Variants in PRRX2 observed in about 807,000 individuals in gnomAD.
PRRX2 encodes paired related homeobox 2, also known as paired mesoderm homeobox protein 2.
A neutral mutation model predicts 18.0 loss-of-function variants in PRRX2; 11 were observed. The observed-to-expected ratio is 0.61, with a 90% CI of 0.39 to 1.01. The LOEUF (loss-of-function observed/expected upper bound fraction) is 1.01. Ranked by LOEUF, PRRX2 falls within the 50% of genes least tolerant of loss-of-function variation. The probability of loss-of-function intolerance (pLI) is 0.01; values close to 1 mark genes in which losing one functional copy is unlikely to be tolerated. For synonymous variants in PRRX2, 177 were observed against 154.8 expected (o/e 1.14, Z -1.06); for missense variants, 387 against 351.0 (o/e 1.10, Z -0.82).
rs1832700238 is a variant in PRRX2, at chr9:129,715,840, G to A, written c.260-3391G>A. Among the ~76,000 whole-genome samples, 1 of 151,134 alleles carries A rather than the reference G, an allele frequency of 6.6e-6. No individual in the cohort carries two copies. The highest frequency in any genetic ancestry group is 1.5e-5 in the Non-Finnish European group (1 of 67,916). On this transcript the variant is annotated intron_variant, in intron 1 of 3. Coordinates refer to ENST00000372469, the MANE Select transcript of PRRX2 (RefSeq NM_016307.4). This position sits in a 1 kb window ranked among gnomAD's most constrained non-coding sequence, Gnocchi z 4.0. ...AATTTAACCTTACATCAAATCAGTT[G>A]GTTGCTCAAGAGTCAGTAAACCCTC... is the stretch of plus-strand genomic sequence containing the variant.
chr9:129,721,890 A>G (rs1233619298), intron 3 of PRRX2, among the ~76,000 whole-genome samples: 1 of 152,164 alleles, frequency 6.6e-6, no homozygotes, highest in East Asian at 1.9e-4. Flanking sequence ...CCCAAGGGGC[A>G]TCCTTAAATC....
intron 1 of PRRX2, among the ~76,000 whole-genome samples, chr9:129,673,411 T>G (rs1832123986): frequency 6.6e-6 from 1 of 152,146 alleles, no homozygotes; most frequent in African/African-American, 2.4e-5. Context: ...GAGCTGTGAT[T>G]ACACCACTGC....
chr9:129,713,887 C>T (rs1832666265), intron 1 of PRRX2, among the ~76,000 whole-genome samples: 1 of 151,064 alleles, frequency 6.6e-6, no homozygotes, highest in Admixed American at 6.6e-5. Flanking sequence ...AGGTGTTCCG[C>T]CTGCCTCGAC....
At chr9:129,679,043 C>T (rs528959405) in intron 1 of PRRX2, among the ~76,000 whole-genome samples, 2 of 152,250 alleles carry the variant, frequency 1.3e-5, no homozygotes, top group East Asian at 1.9e-4. Flanking sequence ...GGCAGGTGGC[C>T]GTGCCCCACG....
chr9:129,705,911 C>T (rs747812712), intron 1 of PRRX2, among the ~76,000 whole-genome samples: 1 of 151,318 alleles, frequency 6.6e-6, no homozygotes, highest in African/African-American at 2.4e-5. Flanking sequence ...TGAGGGTTCC[C>T]CAAAGACCCT....
chr9:129,692,378 C>A (rs947530016), intron 1 of PRRX2, among the ~76,000 whole-genome samples: 6 of 139,030 alleles, frequency 4.3e-5, no homozygotes, highest in Non-Finnish European at 7.8e-5. Context: ...ACATTCGTTA[C>A]AGTCAGTGAG....
chr9:129,692,871 C>G (rs978882798), intron 1 of PRRX2, among the ~76,000 whole-genome samples: 1 of 152,140 alleles, frequency 6.6e-6, no homozygotes, highest in African/African-American at 2.4e-5. Context: ...CTGGGCAGGC[C>G]TTTTTGTGGA....
intron 1 of PRRX2, among the ~76,000 whole-genome samples, chr9:129,712,013 C>T (rs1228582357): frequency 6.6e-6 from 1 of 152,154 alleles, no homozygotes; most frequent in African/African-American, 2.4e-5. Context: ...CAGGGGGAAA[C>T]CGAAGCCTCC....
intron 1 of PRRX2, among the ~76,000 whole-genome samples, chr9:129,683,747 AAAAT>A (rs1412372736): frequency 6.6e-6 from 1 of 151,974 alleles, no homozygotes; most frequent in Non-Finnish European, 1.5e-5. Flanking sequence ...AAAAAAATAA[AAAAT>A]AAAAAAGACA....
intron 1 of PRRX2, among the ~76,000 whole-genome samples, chr9:129,699,437 A>ATGTGTGTG (rs1331347283): frequency 1.6e-4 from 22 of 140,454 alleles, no homozygotes; most frequent in African/African-American, 6.3e-4. Flanking sequence ...AAAAATATAT[A>ATGTGTGTG]TATGTGTGTG....
intron 1 of PRRX2, among the ~76,000 whole-genome samples, chr9:129,711,066 C>T (rs1206919193): frequency 6.6e-6 from 1 of 152,162 alleles, no homozygotes; most frequent in Non-Finnish European, 1.5e-5. Context: ...CTGTTGCCTT[C>T]AGCCTCCCTC....
At chr9:129,684,510 ACACACACACACACC>A (rs759244010) in intron 1 of PRRX2, among the ~76,000 whole-genome samples, 5,268 of 54,206 alleles carry the variant, frequency 0.097, 298 homozygotes, top group East Asian at 0.31. Context: ...ACACACACAC[ACACACACACACACC>A]CACACACACC....
At chr9:129,683,158 G>C (rs1309607554) in intron 1 of PRRX2, among the ~76,000 whole-genome samples, 1 of 151,870 alleles carries the variant, frequency 6.6e-6, no homozygotes, top group African/African-American at 2.4e-5. Flanking sequence ...CCACCATTAA[G>C]TCTTATTTGG....
chr9:129,715,212 C>T lies in PRRX2; in HGVS notation c.260-4019C>T, dbSNP rs1248049338. 6.6e-6 allele frequency among the ~76,000 whole-genome samples: 1 copy of T among 152,196 alleles called. No individual in the cohort carries two copies. Among genetic ancestry groups the T allele is most frequent in the African/African-American group, 2.4e-5 (1 of 41,458 alleles). On this transcript the variant is annotated intron_variant, in intron 1 of 3. Coordinates refer to ENST00000372469, the MANE Select transcript of PRRX2 (RefSeq NM_016307.4). The surrounding 1 kb of genome is among the most constrained non-coding windows in gnomAD (Gnocchi z 4.0). ...CTTCTGAACATAACCTCCTAGTCAT[C>T]CCTCTAAACCAGGGTTTCTCAACCT...
Position 129,720,731 on chromosome 9 carries a change from C to G in PRRX2, c.583C>G (p.Leu195Val), listed in dbSNP as rs143393943. The change falls in exon 3 of 4, where the codon CTG becomes GTG. Residue 195 changes from leucine to valine, a missense_variant. By Grantham distance (32) the Leu-to-Val change is conservative. Coordinates refer to ENST00000372469, the MANE Select transcript of PRRX2 (RefSeq NM_016307.4). ...GCCCGTGGCTCCCCGGCCCACCGCCCTGAGTCCAGATTATCTCTCCTGGAC... is the reference window on the plus strand; with the variant it reads ...GCCCGTGGCTCCCCGGCCCACCGCCGTGAGTCCAGATTATCTCTCCTGGAC... The part of the protein sequence containing the change: ...EQPVAPRPTA[L>V]SPDYLSWTAS... The G allele has an allele frequency of 2.5e-6, 4 of 1,611,742 alleles. No homozygotes were observed. In the African/African-American group the frequency reaches 4.0e-5, roughly 16 times the overall value.
At chr9:129,677,725 T>C (rs988731217) in intron 1 of PRRX2, among the ~76,000 whole-genome samples, 1 of 152,132 alleles carries the variant, frequency 6.6e-6, no homozygotes, top group African/African-American at 2.4e-5. Flanking sequence ...AAGGCCAGCC[T>C]CTCCCGCAGA....
At chr9:129,701,182 A>G (rs1318473094) in intron 1 of PRRX2, among the ~76,000 whole-genome samples, 1 of 152,212 alleles carries the variant, frequency 6.6e-6, no homozygotes, top group East Asian at 1.9e-4. Context: ...CGCTCACACT[A>G]ACGTGAGGAA....
intron 1 of PRRX2, among the ~76,000 whole-genome samples, chr9:129,711,142 T>C (rs1302151162): frequency 6.6e-6 from 1 of 152,012 alleles, no homozygotes; most frequent in Non-Finnish European, 1.5e-5. Context: ...ACCACGAGGA[T>C]CTTGGGGCTG....
chr9:129,666,063 CG>C lies in PRRX2; in HGVS notation c.199del (p.Glu67ArgfsTer129). On this transcript the variant is annotated frameshift_variant, in exon 1 of 4. Transcript: ENST00000372469. LOFTEE classifies it high-confidence loss of function. ...GCGCCCCGGGGCCAGGGCCGAGGCG[CG>C]GGAGGGCGCAGCACGGGAGCCGTCC... ...AARPGARAEA[R>X]EGAAREPSGG... 9.6e-7 allele frequency: 1 copy of C among 1,041,026 alleles called. No homozygotes were observed. Among genetic ancestry groups the C allele is most frequent in the East Asian group, 8.2e-5 (1 of 12,220 alleles). 64.5% of individuals were successfully genotyped at this position (1,041,026 alleles called of 1,614,324 possible).
Sources: gnomAD v4.1 joint callset for allele counts (sites outside exome capture counted in the v4.1 genomes callset) on GRCh38, gnomAD v4.1.1 for gene constraint, Gnocchi (gnomAD v3.1) non-coding constraint, MANE v1.5 for transcripts, NCBI Gene and HGNC (gene_info 2026-07-23, HGNC 2026-07-21) for gene names.